Variants in SPOCK3 observed in about 807,000 individuals in gnomAD.
The protein encoded by SPOCK3 is testican-3.
SPOCK3 carries 30 observed loss-of-function variants against 56.6 expected under a neutral mutation model. The ratio of observed to expected loss-of-function variants is 0.53; its 90% confidence interval spans 0.40 to 0.72. The LOEUF (loss-of-function observed/expected upper bound fraction) is 0.72, where lower values mean the gene tolerates loss of function less well. Among genes scored for constraint, SPOCK3 ranks in the 30% least tolerant of loss-of-function variants. The pLI, the probability that SPOCK3 is intolerant of heterozygous loss-of-function variation, is 0.00. For synonymous variants in SPOCK3, 196 were observed against 183.3 expected (o/e 1.07, Z -0.56); for missense variants, 527 against 530.0 (o/e 0.99, Z 0.06).
At chr4:167,014,279 T>G (rs1432417711) in intron 3 of SPOCK3, among the ~76,000 whole-genome samples, 2 of 147,638 alleles carry the variant, frequency 1.4e-5, no homozygotes, top group African/African-American at 5.0e-5. Context: ...TGAGTGGGTT[T>G]TTTTTTTTTT....
intron 3 of SPOCK3, among the ~76,000 whole-genome samples, chr4:167,005,614 C>T (rs974797750): frequency 2.0e-4 from 31 of 151,936 alleles, no homozygotes; most frequent in Non-Finnish European, 4.4e-5. Context: ...TACTCAAAAT[C>T]CTTTTATATA....
chr4:167,054,754 A>T (rs1468498548), intron 3 of SPOCK3, among the ~76,000 whole-genome samples: 6 of 152,244 alleles, frequency 3.9e-5, no homozygotes, highest in Admixed American at 2.6e-4. Flanking sequence ...AAGAAACTTA[A>T]ATGAGATGAA....
intron 2 of SPOCK3, among the ~76,000 whole-genome samples, chr4:167,186,379 A>C (rs1731957304): frequency 6.6e-6 from 1 of 152,220 alleles, no homozygotes; most frequent in South Asian, 2.1e-4. Context: ...TGTTAATCCC[A>C]GCACTTTGGG....
chr4:166,816,379 C>T (rs1744379916), intron 6 of SPOCK3, among the ~76,000 whole-genome samples: 1 of 152,072 alleles, frequency 6.6e-6, no homozygotes, highest in African/African-American at 2.4e-5. Context: ...GTGCTAAATA[C>T]TGCATTATTC....
intron 6 of SPOCK3, among the ~76,000 whole-genome samples, chr4:166,816,874 C>T (rs1025795673): frequency 4.6e-5 from 7 of 151,970 alleles, no homozygotes; most frequent in African/African-American, 1.4e-4. Context: ...GTCGAGGGCC[C>T]AGTGCAATGG....
intron 6 of SPOCK3, among the ~76,000 whole-genome samples, chr4:166,832,529 G>T (rs536364730): frequency 6.6e-6 from 1 of 152,034 alleles, no homozygotes; most frequent in Non-Finnish European, 1.5e-5. Flanking sequence ...ACTTAAAAGA[G>T]AACTAACATT....
intron 4 of SPOCK3, among the ~76,000 whole-genome samples, chr4:166,965,039 A>G (rs1340147613): frequency 6.6e-6 from 1 of 151,970 alleles, no homozygotes; most frequent in Non-Finnish European, 1.5e-5. Context: ...GAGCTCTTAC[A>G]CTTTTTTGAA....
At chr4:167,050,127 T>C (rs555350872) in intron 3 of SPOCK3, among the ~76,000 whole-genome samples, 28 of 152,256 alleles carry the variant, frequency 1.8e-4, no homozygotes, top group African/African-American at 6.7e-4. Flanking sequence ...CTTCCCACAA[T>C]TTATTCTCAA....
intron 4 of SPOCK3, among the ~76,000 whole-genome samples, chr4:166,927,904 T>TA (rs1311438877): frequency 6.6e-6 from 1 of 151,950 alleles, no homozygotes; most frequent in Non-Finnish European, 1.5e-5. Context: ...AAATGCAACT[T>TA]AAAAATGAGC....
At chr4:167,154,937 A>C (rs967886364) in intron 2 of SPOCK3, among the ~76,000 whole-genome samples, 5 of 152,110 alleles carry the variant, frequency 3.3e-5, no homozygotes, top group African/African-American at 1.2e-4. Context: ...GGTAATTGTG[A>C]TGATGAGAGG....
Position 166,982,058 on chromosome 4 carries a change from C to T in SPOCK3, c.350+18291G>A, listed in dbSNP as rs569481572. On this transcript the variant is annotated intron_variant, in intron 4 of 10. Transcript: ENST00000357545. ...GCAGCAATGCCTGGATCTGGAGCTG[C>T]AGTTGGCTGGCTGCAGCTGTGCCCA... Among the ~76,000 whole-genome samples, 7 of 152,304 alleles carry T rather than the reference C, an allele frequency of 4.6e-5. No homozygotes were observed. In the East Asian group the frequency reaches 1.4e-3, roughly 30 times the overall value.
At chr4:167,051,833 T>C (rs1754233659) in intron 3 of SPOCK3, among the ~76,000 whole-genome samples, 1 of 152,230 alleles carries the variant, frequency 6.6e-6, no homozygotes, top group Non-Finnish European at 1.5e-5. Flanking sequence ...ATTCTGCCAT[T>C]GTCATTTCAC....
intron 3 of SPOCK3, among the ~76,000 whole-genome samples, chr4:167,020,400 T>TA (rs1751054788): frequency 6.6e-6 from 1 of 152,066 alleles, no homozygotes; most frequent in Admixed American, 6.6e-5. Context: ...TGCATGCCCT[T>TA]AAAAATTCAT....
At chr4:166,941,563 A>G (rs1197868948) in intron 4 of SPOCK3, among the ~76,000 whole-genome samples, 2 of 152,204 alleles carry the variant, frequency 1.3e-5, no homozygotes, top group African/African-American at 4.8e-5. Context: ...GATGGTCCTC[A>G]GTGATCCTTG....
intron 6 of SPOCK3, among the ~76,000 whole-genome samples, chr4:166,874,698 A>G (rs1251756138): frequency 6.6e-6 from 1 of 152,210 alleles, no homozygotes; most frequent in Non-Finnish European, 1.5e-5. Context: ...TGGGTTTTAA[A>G]TAGAAGACTT....
intron 3 of SPOCK3, among the ~76,000 whole-genome samples, chr4:167,027,140 T>C (rs1225181545): frequency 6.6e-6 from 1 of 152,010 alleles, no homozygotes; most frequent in Non-Finnish European, 1.5e-5. Flanking sequence ...TCCCAACTCC[T>C]TCAGACAGAA....
At chr4:167,154,261 G>C (rs1764638950) in intron 2 of SPOCK3, among the ~76,000 whole-genome samples, 1 of 151,894 alleles carries the variant, frequency 6.6e-6, no homozygotes, top group Admixed American at 6.6e-5. Flanking sequence ...CATCTAGAAA[G>C]AGAGTAAGAT....
At chr4:166,864,064 A>G (rs1731523706) in intron 6 of SPOCK3, among the ~76,000 whole-genome samples, 1 of 152,202 alleles carries the variant, frequency 6.6e-6, no homozygotes, top group South Asian at 2.1e-4. Context: ...ATGCAAAAGA[A>G]TGGAAATTGT....
At chr4:166,995,652 C>T (rs12509015) in intron 4 of SPOCK3, among the ~76,000 whole-genome samples, 26,688 of 151,782 alleles carry the variant, frequency 0.18, 2,575 homozygotes, top group African/African-American at 0.25. Context: ...CACCCAGAAA[C>T]TCTGAGCCTC....
Sources: allele counts gnomAD v4.1 joint callset (sites outside exome capture counted in the v4.1 genomes callset), GRCh38; gene constraint gnomAD v4.1.1; transcripts MANE v1.5; gene names NCBI Gene and HGNC (gene_info 2026-07-23, HGNC 2026-07-21).